Variants in LRGUK observed in about 807,000 individuals in gnomAD.
The protein encoded by LRGUK is leucine rich repeats and guanylate kinase domain containing, also known as leucine-rich repeat and guanylate kinase domain-containing protein.
Under a neutral mutation model 76.0 loss-of-function variants are expected in LRGUK, and 65 were observed. That is an observed-to-expected ratio of 0.85 (90% confidence interval 0.70 to 1.05). The LOEUF is 1.05. LRGUK is among the 50% of genes least tolerant of loss of function. The pLI is 0.00. For missense variants in LRGUK, 758 were observed against 732.8 expected (o/e 1.03, Z -0.40); for synonymous variants, 268 against 265.6 (o/e 1.01, Z -0.09).
At chr7:134,191,796 T>C (rs1800262968) in intron 12 of LRGUK, 45 bp downstream of exon 12, 3 of 1,257,286 alleles carry the variant, frequency 2.4e-6, no homozygotes, top group Non-Finnish European at 2.3e-6. Context: ...AAATACACGT[T>C]CTCTGGCAAA....
At chr7:134,243,136 A>G (rs1585594806) in intron 16 of LRGUK, among the ~76,000 whole-genome samples, 1 of 152,312 alleles carries the variant, frequency 6.6e-6, no homozygotes, top group East Asian at 1.9e-4. Flanking sequence ...CCCTTTGAGA[A>G]CTGGAATAAG....
intron 7 of LRGUK, among the ~76,000 whole-genome samples, chr7:134,170,850 C>T (rs762696272): frequency 6.6e-6 from 1 of 152,152 alleles, no homozygotes; most frequent in Non-Finnish European, 1.5e-5. Flanking sequence ...AATTTTCTCA[C>T]TGATACAGAA....
chr7:134,256,459 CAA>C (rs34522132), intron 18 of LRGUK, among the ~76,000 whole-genome samples: 36 of 57,498 alleles, frequency 6.3e-4, no homozygotes, highest in African/African-American at 1.3e-3. Flanking sequence ...AACTCTGTCT[CAA>C]AAAAAAAAAA....
intron 11 of LRGUK, among the ~76,000 whole-genome samples, chr7:134,190,471 G>T (rs1405456577): frequency 6.6e-6 from 1 of 152,194 alleles, no homozygotes; most frequent in African/African-American, 2.4e-5. Flanking sequence ...GCCTCCCAAA[G>T]TACAGGGATT....
chr7:134,174,515 T>G, intron 7 of LRGUK, 41 bp from the exon 8 acceptor site: 1 of 1,190,270 alleles, frequency 8.4e-7, no homozygotes, highest in Non-Finnish European at 1.2e-6. Context: ...ATTGTCTTTG[T>G]GCATTTAGTC....
chr7:134,266,343 G>A (rs192356464), downstream of LRGUK, among the ~76,000 whole-genome samples: 65 of 152,282 alleles, frequency 4.3e-4, no homozygotes, highest in African/African-American at 1.5e-3. Context: ...GGATTTTAAA[G>A]TAGCAATCAT....
chr7:134,164,008 G>A (rs1798868593), intron 7 of LRGUK, among the ~76,000 whole-genome samples: 1 of 152,136 alleles, frequency 6.6e-6, no homozygotes, highest in Admixed American at 6.5e-5. Context: ...GTTACATAAG[G>A]AGTTTGTTTC....
chr7:134,200,127 C>G (rs1406221945), intron 14 of LRGUK, among the ~76,000 whole-genome samples: 1 of 149,550 alleles, frequency 6.7e-6, no homozygotes, highest in African/African-American at 2.5e-5. Context: ...TCCTCCGCCT[C>G]CCAGGTTCAA....
chr7:134,148,468 A>G, intron 5 of LRGUK, 149 bp downstream of exon 5: 1 of 591,274 alleles, frequency 1.7e-6, no homozygotes, highest in African/African-American at 2.0e-5. Flanking sequence ...AGGAATTGGT[A>G]TTCACAAAAT....
chr7:134,275,526 T>C, the LRGUK span, among the ~76,000 whole-genome samples: 3 of 152,190 alleles, frequency 2.0e-5, no homozygotes, highest in South Asian at 2.1e-4. Flanking sequence ...CTTTTTCTGT[T>C]ATGCTCAGGA....
intron 16 of LRGUK, among the ~76,000 whole-genome samples, chr7:134,243,718 A>G (rs1016572496): frequency 6.6e-6 from 1 of 152,192 alleles, no homozygotes; most frequent in Non-Finnish European, 1.5e-5. Context: ...GTTCATATGG[A>G]ACCAAAAAAG....
At chr7:134,205,055 C>A (rs1800943598) in intron 15 of LRGUK, among the ~76,000 whole-genome samples, 1 of 152,156 alleles carries the variant, frequency 6.6e-6, no homozygotes, top group Non-Finnish European at 1.5e-5. Flanking sequence ...GACAAAGTGT[C>A]CACAGCATGG....
At chr7:134,142,828 G>A (rs566026868) in intron 3 of LRGUK, among the ~76,000 whole-genome samples, 3 of 152,282 alleles carry the variant, frequency 2.0e-5, no homozygotes, top group South Asian at 4.1e-4. Context: ...GGGCATACAA[G>A]GATTGGCCAC....
downstream of LRGUK, among the ~76,000 whole-genome samples, chr7:134,268,557 A>T (rs1802901533): frequency 6.6e-6 from 1 of 152,086 alleles, no homozygotes; most frequent in Non-Finnish European, 1.5e-5. Flanking sequence ...AATTGCTAAC[A>T]GAAGTATTCA....
At chr7:134,179,825 A>C (rs73439491) in intron 10 of LRGUK, among the ~76,000 whole-genome samples, 1,634 of 152,280 alleles carry the variant, frequency 0.011, 37 homozygotes, top group African/African-American at 0.038. Context: ...TCATGGACAA[A>C]GGACCAGTAG....
intron 1 of LRGUK, 122 bp downstream of exon 1, chr7:134,127,786 C>T (rs2116772802): frequency 8.9e-7 from 1 of 1,122,226 alleles, no homozygotes; most frequent in Non-Finnish European, 1.2e-6. Context: ...GGCTCTCTCG[C>T]CTCCAGGAAC....
exon 1 of LRGUK, chr7:134,127,541 C>T (rs1797057098): frequency 1.9e-6 from 3 of 1,614,108 alleles, no homozygotes; most frequent in Admixed American, 1.7e-5. Context: ...ACATAGCCTC[C>T]TCCTACCTGC....
downstream of LRGUK, among the ~76,000 whole-genome samples, chr7:134,264,864 AC>A (rs538644185): frequency 5.3e-5 from 8 of 152,208 alleles, no homozygotes; most frequent in Non-Finnish European, 1.2e-4. Context: ...TCCACATAGT[AC>A]TATACTCATT....
intron 19 of LRGUK, among the ~76,000 whole-genome samples, chr7:134,259,402 G>A (rs2117227733): frequency 6.6e-6 from 1 of 152,260 alleles, no homozygotes; most frequent in Non-Finnish European, 1.5e-5. Context: ...AGTGAATGGG[G>A]AGAACTCTCT....
Sources: gnomAD v4.1 joint callset for allele counts (sites outside exome capture counted in the v4.1 genomes callset) on GRCh38, gnomAD v4.1.1 for gene constraint, MANE v1.5 for transcripts, NCBI Gene and HGNC (gene_info 2026-07-23, HGNC 2026-07-21) for gene names.